ARHGEF10: variants seen among roughly 807,000 people sequenced by gnomAD.
ARHGEF10 encodes the protein Rho guanine nucleotide exchange factor 10.
ARHGEF10 carries 140 observed loss-of-function variants against 147.4 expected under a neutral mutation model. The observed-to-expected ratio is 0.95, with a 90% confidence interval of 0.83 to 1.09. The LOEUF (loss-of-function observed/expected upper bound fraction) is 1.09. Ranked by LOEUF, ARHGEF10 falls within the 50% of genes least tolerant of loss-of-function variation. The probability of loss-of-function intolerance (pLI) is 0.00; values close to 1 mark genes in which losing one functional copy is unlikely to be tolerated. For missense variants in ARHGEF10, 2,222 were observed against 1,752.7 expected, an observed-to-expected ratio of 1.27 and a Z score of -4.78; for synonymous variants, 902 against 695.8, an observed-to-expected ratio of 1.30 and a Z score of -4.67.
intron 21 of ARHGEF10, 88 bp downstream of exon 21, chr8:1,923,962 A>G: frequency 4.0e-6 from 5 of 1,240,776 alleles, no homozygotes; most frequent in Non-Finnish European, 5.9e-6. Context: ...TTGAGAAGGA[A>G]ACTCAGCAGT....
At chr8:1,873,872 TTTA>T (rs1807403306) in intron 7 of ARHGEF10, among the ~76,000 whole-genome samples, 1 of 151,992 alleles carries the variant, frequency 6.6e-6, no homozygotes, top group Admixed American at 6.6e-5. Flanking sequence ...TTCTTTTTTT[TTTA>T]TTGTGTCAGG....
intron 4 of ARHGEF10, among the ~76,000 whole-genome samples, chr8:1,863,945 C>T (rs567175392): frequency 3.8e-4 from 58 of 152,112 alleles, no homozygotes; most frequent in South Asian, 1.3e-3. Flanking sequence ...GCGTGCCAGG[C>T]GGATGCCCCT....
intron 1 of ARHGEF10, among the ~76,000 whole-genome samples, chr8:1,834,320 T>C (rs1468077634): frequency 6.6e-6 from 1 of 152,204 alleles, no homozygotes. Flanking sequence ...TTTTTTCTTT[T>C]CTGGGAGCGT....
intron 22 of ARHGEF10, among the ~76,000 whole-genome samples, 186 bp downstream of exon 22, chr8:1,925,590 G>T (rs530916653): frequency 1.1e-4 from 16 of 152,174 alleles, no homozygotes; most frequent in Admixed American, 6.5e-4. Flanking sequence ...CTAAAAAAAC[G>T]CCCAGCCATT....
chr8:1,840,383 T>C (rs368481704), intron 1 of ARHGEF10, among the ~76,000 whole-genome samples: 76 of 113,542 alleles, frequency 6.7e-4, no homozygotes, highest in African/African-American at 2.4e-3. Context: ...GGGGACTGTC[T>C]GGTGTGGAAG....
In ARHGEF10 at chr8:1,893,606, G is replaced by T; in HGVS notation, c.1220G>T (p.Ser407Ile). Reference protein sequence around the residue: ...RRYILGSVVDSEKNYVDALKR... With the variant: ...RRYILGSVVDIEKNYVDALKR... ...TATATACTGGGTTCAGTTGTCGACA[G>T]TGAAAAGAACTACGTAGATGCTCTT... is the stretch of plus-strand genomic sequence containing the variant. The change falls in exon 12 of 29, where the codon AGT becomes ATT. Residue 407 changes from serine (S) to isoleucine (I), a missense_variant. By Grantham distance (142) the Ser-to-Ile change is moderately radical (BLOSUM62 -2). Transcript: ENST00000349830. 1 of 1,613,768 alleles carries T rather than the reference G, an allele frequency of 6.2e-7. No homozygotes were observed. The highest frequency in any genetic ancestry group is 8.5e-7 in the Non-Finnish European group (1 of 1,179,780).
intron 11 of ARHGEF10, among the ~76,000 whole-genome samples, chr8:1,891,725 G>A (rs1396651809): frequency 1.3e-5 from 2 of 152,098 alleles, no homozygotes; most frequent in African/African-American, 4.8e-5. Flanking sequence ...CAGGAAGAGA[G>A]TGACACTCTT....
chr8:1,906,798 C>A (rs770452795), intron 17 of ARHGEF10, among the ~76,000 whole-genome samples: 3 of 152,248 alleles, frequency 2.0e-5, no homozygotes, highest in Non-Finnish European at 4.4e-5. Context: ...GTTCATTAAG[C>A]TGCTGCAGGG....
intron 5 of ARHGEF10, among the ~76,000 whole-genome samples, chr8:1,864,737 A>C (rs1585312543): frequency 6.6e-6 from 1 of 152,106 alleles, no homozygotes; most frequent in Non-Finnish European, 1.5e-5. Context: ...CCTTTCTATC[A>C]TGAAGGCGGC....
At chr8:1,875,851 A>G (rs1428181410) in intron 7 of ARHGEF10, among the ~76,000 whole-genome samples, 1 of 152,236 alleles carries the variant, frequency 6.6e-6, no homozygotes, top group African/African-American at 2.4e-5. Context: ...AAGTTTTGTT[A>G]CAGTGAATGA....
At chr8:1,922,558 A>T (rs1276688899) in intron 18 of ARHGEF10, among the ~76,000 whole-genome samples, 1 of 152,176 alleles carries the variant, frequency 6.6e-6, no homozygotes, top group East Asian at 1.9e-4. Flanking sequence ...GTGACCACCG[A>T]ACGCAGTGCG....
chr8:1,929,961 G>T (rs916693288), intron 25 of ARHGEF10, among the ~76,000 whole-genome samples: 9 of 152,170 alleles, frequency 5.9e-5, no homozygotes, highest in African/African-American at 1.7e-4. Context: ...AGCCGCTGGG[G>T]GTGGGCAGCT....
At chr8:1,919,199 G>C (rs377101049) in intron 18 of ARHGEF10, among the ~76,000 whole-genome samples, 1 of 134,734 alleles carries the variant, frequency 7.4e-6, no homozygotes, top group Non-Finnish European at 1.5e-5. Context: ...GAGCTGTTCC[G>C]TGGGTGATGG....
intron 27 of ARHGEF10, among the ~76,000 whole-genome samples, chr8:1,946,981 T>C (rs557155256): frequency 1.3e-5 from 2 of 152,278 alleles, no homozygotes; most frequent in East Asian, 3.9e-4. Context: ...GAAAAGGAGG[T>C]TTATGTAACA....
chr8:1,828,937 G>A (rs1344372973), intron 1 of ARHGEF10, among the ~76,000 whole-genome samples: 2 of 152,104 alleles, frequency 1.3e-5, no homozygotes, highest in African/African-American at 4.8e-5. Flanking sequence ...TCAGTGCAGT[G>A]TCTGATTTTC....
At chr8:1,850,314 GGAGGGCGTGGGGCAA>G (rs1805016255) in intron 2 of ARHGEF10, among the ~76,000 whole-genome samples, 1 of 135,058 alleles carries the variant, frequency 7.4e-6, no homozygotes, top group Non-Finnish European at 1.5e-5. Flanking sequence ...CAAATGCTGA[GGAGGGCGTGGGGCAA>G]CCGTGTGGAC....
At chr8:1,874,246 A>G (rs1380905324) in intron 7 of ARHGEF10, among the ~76,000 whole-genome samples, 2 of 152,166 alleles carry the variant, frequency 1.3e-5, no homozygotes, top group African/African-American at 2.4e-5. Context: ...TAAAACATTG[A>G]AAACCACCCG....
intron 25 of ARHGEF10, 106 bp downstream of exon 25, chr8:1,929,549 C>T (rs1189271426): frequency 4.4e-6 from 6 of 1,366,130 alleles, no homozygotes; most frequent in Non-Finnish European, 5.9e-6. Flanking sequence ...GCCTCCCGCC[C>T]CTGTGCCTCC....
chr8:1,830,262 T>TCAGGCGGCTCATTTCCCGTGGGGCC (rs542175105), intron 1 of ARHGEF10, among the ~76,000 whole-genome samples: 64,425 of 149,394 alleles, frequency 0.43, 14,239 homozygotes, highest in Middle Eastern at 0.55. Context: ...CCCGTGGGGC[T>TCAGGCGGCTCATTTCCCGTGGGGCC]CAGGCGGCTC....
Sources: allele counts gnomAD v4.1 joint callset (sites outside exome capture counted in the v4.1 genomes callset), GRCh38; gene constraint gnomAD v4.1.1; transcripts MANE v1.5; gene names NCBI Gene and HGNC (gene_info 2026-07-23, HGNC 2026-07-21).